The following ZNF462 variants were observed in gnomAD, a reference collection of about 807,000 sequenced individuals.
ZNF462 encodes the protein zinc finger protein 462.
In ZNF462, 10 loss-of-function variants were observed where a neutral mutation model predicts 201.9. The ratio of observed to expected loss-of-function variants is 0.05; its 90% CI spans 0.03 to 0.08. The LOEUF is 0.08. Ranked by LOEUF, ZNF462 falls within the 10% of genes least tolerant of loss-of-function variation. The pLI is 1.00. For missense variants in ZNF462, 2,523 were observed against 3,168.3 expected (o/e 0.80, Z 4.89); for synonymous variants, 1,227 against 1,193.3 (o/e 1.03, Z -0.58).
chr9:106,884,544 A>C (rs1331272381), intron 1 of ZNF462, among the ~76,000 whole-genome samples: 1 of 151,560 alleles, frequency 6.6e-6, no homozygotes, highest in Non-Finnish European at 1.5e-5. Flanking sequence ...ACCACCATCC[A>C]CCTCTGCCCT....
Position 106,950,787 on chromosome 9 carries a change from C to T in ZNF462, c.6427+11680C>T, listed in dbSNP as rs930961965. Among the ~76,000 whole-genome samples the T allele has an allele frequency of 2.6e-5, 4 of 152,140 alleles. No homozygotes were observed. The highest frequency in any genetic ancestry group is 4.8e-5 in the African/African-American group (2 of 41,436). ...ATAACGGAAGTCTGGAAAACAATAA[C>T]TCTTTAAAAAATTAAGTTCAGGCCA... On this transcript the variant is annotated intron_variant, in intron 7 of 12. Coordinates refer to ENST00000277225, the MANE Select transcript of ZNF462 (RefSeq NM_021224.6). This position sits in a 1 kb window ranked among gnomAD's most constrained non-coding sequence, Gnocchi z 4.1.
At position 106,938,677 on chromosome 9, in the gene ZNF462, C is replaced by T. The variant is rs759660128; in HGVS notation, c.6236-239C>T. Among the ~76,000 whole-genome samples, 15 of 152,156 alleles carry T rather than the reference C, an allele frequency of 9.9e-5. No individual in the cohort carries two copies. Among genetic ancestry groups the T allele is most frequent in the Non-Finnish European group, 1.5e-4 (10 of 68,028 alleles). On this transcript the variant is annotated intron_variant, in intron 6 of 12. Coordinates refer to ENST00000277225, the MANE Select transcript of ZNF462 (RefSeq NM_021224.6). The surrounding 1 kb of genome is among the most constrained non-coding windows in gnomAD (Gnocchi z 4.4). The stretch of plus-strand genomic sequence containing the variant: ...TAATTCATAGCTTCACTCCTGTAAG[C>T]AGAGCCCAAAATGAAAAAGGACCAG...
Position 107,003,226 on chromosome 9 carries a change from T to A in ZNF462, c.7057-68T>A. On this transcript the variant is annotated intron_variant, in intron 10 of 12. Coordinates refer to ENST00000277225, the MANE Select transcript of ZNF462 (RefSeq NM_021224.6). The surrounding 1 kb of genome is among the most constrained non-coding windows in gnomAD (Gnocchi z 4.4). ...ACAGGAAAATGATGTTAGAAAGATC[T>A]CTCCATCAGGGAGAACCCCATTTGG... The A allele has an allele frequency of 6.4e-7, 1 of 1,572,326 alleles. No individual in the cohort carries two copies. Among genetic ancestry groups the A allele is most frequent in the Non-Finnish European group, 8.6e-7 (1 of 1,159,166 alleles).
At chr9:106,936,630 A>C (rs975266139) in intron 6 of ZNF462, among the ~76,000 whole-genome samples, 2 of 152,194 alleles carry the variant, frequency 1.3e-5, no homozygotes, top group African/African-American at 4.8e-5. Flanking sequence ...GGAAATTTCT[A>C]CTAAAGTCCT....
At position 106,972,357 on chromosome 9, in the gene ZNF462, ACTTGGAG is replaced by A; in HGVS notation, c.6695+89_6695+95del. The A allele has an allele frequency of 6.5e-7, 1 of 1,528,206 alleles. No individual in the cohort carries two copies. Among genetic ancestry groups the A allele is most frequent in the Non-Finnish European group, 8.8e-7 (1 of 1,137,250 alleles). The allele number at this position is 1,528,206 out of a possible 1,614,324, so 94.7% of individuals were successfully genotyped here. A position where few individuals can be genotyped will look rare whatever the true frequency, so the allele number is the denominator to read the frequency against. ...CTGCAGGCTTCCCTTACACTTTCCTACTTGGAGCTTATGGGAGGCCCTGCCCATGTGA... is the reference window on the plus strand; with the variant it reads ...CTGCAGGCTTCCCTTACACTTTCCTACTTATGGGAGGCCCTGCCCATGTGA... On this transcript the variant is annotated intron_variant, in intron 8 of 12. Coordinates refer to ENST00000277225, the MANE Select transcript of ZNF462 (RefSeq NM_021224.6). The surrounding 1 kb of genome is among the most constrained non-coding windows in gnomAD (Gnocchi z 4.8).
intron 7 of ZNF462, among the ~76,000 whole-genome samples, chr9:106,943,135 A>AT (rs1476579572): frequency 5.3e-5 from 8 of 151,488 alleles, no homozygotes; most frequent in Non-Finnish European, 1.0e-4. Context: ...AACAGAAAGA[A>AT]CACTTGGTTG....
intron 10 of ZNF462, among the ~76,000 whole-genome samples, chr9:106,987,922 C>G (rs150528141): frequency 3.3e-5 from 5 of 152,124 alleles, no homozygotes; most frequent in African/African-American, 1.2e-4. Context: ...AAAAGGGTGT[C>G]CTTTCCCCAC....
intron 1 of ZNF462, among the ~76,000 whole-genome samples, chr9:106,912,133 T>A (rs919393175): frequency 1.3e-5 from 2 of 152,198 alleles, no homozygotes; most frequent in African/African-American, 4.8e-5. Flanking sequence ...TAAGGCTCGT[T>A]CAGCTAGCCT....
Position 107,009,504 on chromosome 9 carries a change from T to A in ZNF462, c.7190-41T>A, listed in dbSNP as rs1829796039. On this transcript the variant is annotated intron_variant, in intron 11 of 12. Coordinates refer to ENST00000277225, the MANE Select transcript of ZNF462 (RefSeq NM_021224.6). This position sits in a 1 kb window ranked among gnomAD's most constrained non-coding sequence, Gnocchi z 6.1. The stretch of plus-strand genomic sequence containing the variant: ...ATGCTGACTTACCTATTCTGCTGAT[T>A]CCCACAGCACACAGGTAACACTTCT... The A allele has an allele frequency of 2.5e-6, 4 of 1,611,792 alleles. No individual in the cohort carries two copies. The highest frequency in any genetic ancestry group is 1.6e-4 in the Middle Eastern group (1 of 6,068).
chr9:106,995,975 C>T (rs1828696174), intron 10 of ZNF462, among the ~76,000 whole-genome samples: 1 of 152,156 alleles, frequency 6.6e-6, no homozygotes, highest in Non-Finnish European at 1.5e-5. Context: ...CTACCCCCAC[C>T]CCATGACAGG....
Position 106,907,787 on chromosome 9 carries a change from CT to C in ZNF462, c.-30-15566del, listed in dbSNP as rs761279076. Among the ~76,000 whole-genome samples the C allele has an allele frequency of 1.4e-3, 207 of 151,992 alleles. 1 individual carries two copies. The highest frequency in any genetic ancestry group is 2.2e-3 in the Non-Finnish European group (150 of 67,854). The stretch of plus-strand genomic sequence containing the variant: ...TCTTCTTCTGTCTTTCCATTTCCCC[CT>C]GTACTTGAGTTAGATGTTTGATTCA... On this transcript the variant is annotated intron_variant, in intron 1 of 12. Transcript: ENST00000277225.
chr9:107,000,097 G>T (rs531351424), intron 10 of ZNF462, among the ~76,000 whole-genome samples: 1 of 152,096 alleles, frequency 6.6e-6, no homozygotes, highest in South Asian at 2.1e-4. Context: ...GGAGATTAAG[G>T]ACTCAACACA....
rs1830377348 is a variant in ZNF462 at position 106,930,409 on chromosome 9, T to A, written c.5848-116T>A. 8.2e-6 allele frequency: 11 copies of A among 1,340,400 alleles called. No individual in the cohort carries two copies. In the East Asian group the frequency reaches 2.7e-4, roughly 33 times the overall value. The allele number at this position is 1,340,400 out of a possible 1,614,324, so 83.0% of individuals were successfully genotyped here. On this transcript the variant is annotated intron_variant, in intron 3 of 12. Coordinates refer to ENST00000277225, the MANE Select transcript of ZNF462 (RefSeq NM_021224.6). The surrounding 1 kb of genome is among the most constrained non-coding windows in gnomAD (Gnocchi z 5.8). ...TAAAAATACTCGCCTATATCTCCCTTGGTTTTTAACCTGCTAATCGGCTTT... is the reference window on the plus strand; with the variant it reads ...TAAAAATACTCGCCTATATCTCCCTAGGTTTTTAACCTGCTAATCGGCTTT...
chr9:106,889,752 T>A (rs1828493077), intron 1 of ZNF462, among the ~76,000 whole-genome samples: 1 of 152,196 alleles, frequency 6.6e-6, no homozygotes, highest in East Asian at 1.9e-4. Context: ...AGGCTCATAA[T>A]CTAGTATTTA....
chr9:106,926,287 C>T lies in ZNF462; in HGVS notation c.2375C>T (p.Thr792Ile). The T allele has an allele frequency of 6.2e-7, 1 of 1,614,166 alleles. No individual in the cohort carries two copies. The highest frequency in any genetic ancestry group is 8.5e-7 in the Non-Finnish European group (1 of 1,180,034). Reference sequence around the variant, plus strand: ...ACCAATGGGGCTGAGATTGAGCTCACCCTTTCTGAAGATGAAGAGGATTAT... The same window carrying T: ...ACCAATGGGGCTGAGATTGAGCTCATCCTTTCTGAAGATGAAGAGGATTAT... ...NATNGAEIELTLSEDEEDYYG... is the reference protein window; with the variant it reads ...NATNGAEIELILSEDEEDYYG... Residue 792 changes from threonine to isoleucine, a missense_variant, in exon 3 of 13, where the codon ACC becomes ATC. Thr to Ile is a moderately conservative substitution (Grantham distance 89). Transcript: ENST00000277225. This position sits in a 1 kb window ranked among gnomAD's most constrained non-coding sequence, Gnocchi z 7.9.
intron 10 of ZNF462, among the ~76,000 whole-genome samples, chr9:106,987,494 G>T (rs567972238): frequency 1.3e-5 from 2 of 152,084 alleles, no homozygotes; most frequent in African/African-American, 4.8e-5. Flanking sequence ...CATGTCCTTA[G>T]CCCACTTTTT....
intron 10 of ZNF462, among the ~76,000 whole-genome samples, chr9:106,988,384 A>G (rs1430969798): frequency 6.6e-6 from 1 of 152,108 alleles, no homozygotes; most frequent in Non-Finnish European, 1.5e-5. Flanking sequence ...ATTATCTCCC[A>G]CCAGACCCCT....
At position 106,930,083 on chromosome 9, in the gene ZNF462, G is replaced by A. The variant is rs535491141; in HGVS notation, c.5847+324G>A. On this transcript the variant is annotated intron_variant, in intron 3 of 12. Transcript: ENST00000277225. This position sits in a 1 kb window ranked among gnomAD's most constrained non-coding sequence, Gnocchi z 5.8. ...ACAACAACGCTCGCTCTTTCCTAAGGCAGTGTGGGCTGTCTCTTGGTACCA... is the reference window on the plus strand; with the variant it reads ...ACAACAACGCTCGCTCTTTCCTAAGACAGTGTGGGCTGTCTCTTGGTACCA... 6.6e-6 allele frequency among the ~76,000 whole-genome samples: 1 copy of A among 152,250 alleles called. No individual in the cohort carries two copies. Among genetic ancestry groups the A allele is most frequent in the East Asian group, 1.9e-4 (1 of 5,182 alleles).
At chr9:106,988,735 C>T (rs1437383220) in intron 10 of ZNF462, among the ~76,000 whole-genome samples, 1 of 152,034 alleles carries the variant, frequency 6.6e-6, no homozygotes, top group African/African-American at 2.4e-5. Context: ...TTGTAGTTTT[C>T]CTTGTAGAGG....
Sources: gnomAD v4.1 joint callset for allele counts (sites outside exome capture counted in the v4.1 genomes callset) on GRCh38, gnomAD v4.1.1 for gene constraint, Gnocchi (gnomAD v3.1) non-coding constraint, MANE v1.5 for transcripts, NCBI Gene and HGNC (gene_info 2026-07-23, HGNC 2026-07-21) for gene names.